The following STAU2 variants were observed in gnomAD, a reference collection of about 807,000 sequenced individuals.
STAU2 encodes double-stranded RNA-binding protein Staufen homolog 2.
STAU2 carries 20 observed loss-of-function variants against 65.9 expected under a neutral mutation model. The ratio of observed to expected loss-of-function variants is 0.30; its 90% CI spans 0.21 to 0.44. STAU2 has a LOEUF of 0.44. STAU2 is among the 20% of genes least tolerant of loss of function. The pLI, the probability that STAU2 is intolerant of heterozygous loss-of-function variation, is 1.00. For missense variants in STAU2, 558 were observed against 683.9 expected, an observed-to-expected ratio of 0.82 and a Z score of 2.05; for synonymous variants, 232 against 233.9, an observed-to-expected ratio of 0.99 and a Z score of 0.07.
chr8:73,682,633 T>C (rs1818514032), intron 5 of STAU2, among the ~76,000 whole-genome samples: 1 of 151,714 alleles, frequency 6.6e-6, no homozygotes, highest in Non-Finnish European at 1.5e-5. Context: ...CAGAACTAAA[T>C]GAAATTGAAA....
chr8:73,738,573 A>G (rs1806608630), intron 2 of STAU2, among the ~76,000 whole-genome samples: 1 of 152,242 alleles, frequency 6.6e-6, no homozygotes, highest in Admixed American at 6.5e-5. Context: ...TAGAGCAATC[A>G]AGAAAATAAT....
intron 1 of STAU2, among the ~76,000 whole-genome samples, chr8:73,746,335 T>A (rs935484484): frequency 2.9e-4 from 42 of 146,932 alleles, no homozygotes; most frequent in African/African-American, 1.1e-3. Flanking sequence ...GCGCTCCCTC[T>A]CCCTCGCAGC....
intron 6 of STAU2, among the ~76,000 whole-genome samples, chr8:73,661,312 A>G (rs773171098): frequency 4.6e-5 from 7 of 152,218 alleles, no homozygotes; most frequent in African/African-American, 7.2e-5. Flanking sequence ...TATAAGGTAA[A>G]TATTATTTTA....
At position 73,486,626 on chromosome 8, in the gene STAU2, T is replaced by TATAC. The variant is rs1162134427; in HGVS notation, c.1531-63925_1531-63924insGTAT. Among the ~76,000 whole-genome samples, 52 of 144,604 alleles carry TATAC rather than the reference T, an allele frequency of 3.6e-4. 3 individuals are homozygous for TATAC. Among genetic ancestry groups the TATAC allele is most frequent in the Admixed American group, 2.1e-4 (3 of 14,160 alleles). 94.9% of individuals were successfully genotyped at this position (144,604 alleles called of 152,430 possible). A position where few individuals can be genotyped will look rare whatever the true frequency, so the allele number is the denominator to read the frequency against. On this transcript the variant is annotated intron_variant, in intron 13 of 14. Coordinates refer to ENST00000524300, the MANE Select transcript of STAU2 (RefSeq NM_001164380.2). ...AAAATATCCATTATATATATATATATACACATTTATAAGTAAATATATATA... is the reference window on the plus strand; with the variant it reads ...AAAATATCCATTATATATATATATATATACACACATTTATAAGTAAATATATATA...
At position 73,723,081 on chromosome 8, in the gene STAU2, C is replaced by T. The variant is rs188682606; in HGVS notation, c.-17-13919G>A. Among the ~76,000 whole-genome samples the T allele has an allele frequency of 1.7e-3, 266 of 152,180 alleles. 2 individuals carry two copies. The highest frequency in any genetic ancestry group is 8.9e-3 in the South Asian group (43 of 4,816). On this transcript the variant is annotated intron_variant, in intron 3 of 14. Coordinates refer to ENST00000524300, the MANE Select transcript of STAU2 (RefSeq NM_001164380.2). ...CAGCCTTAGACAGAATGCTATTCCACACTAGAGTGCGTGCGTGCCCACACA... is the reference window on the plus strand; with the variant it reads ...CAGCCTTAGACAGAATGCTATTCCATACTAGAGTGCGTGCGTGCCCACACA...
intron 4 of STAU2, among the ~76,000 whole-genome samples, chr8:73,696,635 T>C (rs1819708524): frequency 6.6e-6 from 1 of 152,204 alleles, no homozygotes; most frequent in South Asian, 2.1e-4. Context: ...ACAGAAATGA[T>C]TAAGAAGAAT....
chr8:73,617,549 C>T (rs1812919398), intron 6 of STAU2, 98 bp from the exon 7 acceptor site: 4 of 1,188,304 alleles, frequency 3.4e-6, no homozygotes, highest in Admixed American at 4.6e-5. Flanking sequence ...ATATAATGTG[C>T]TATACTCTTA....
intron 6 of STAU2, among the ~76,000 whole-genome samples, chr8:73,654,417 C>A (rs908771662): frequency 5.9e-5 from 9 of 151,810 alleles, no homozygotes; most frequent in African/African-American, 2.2e-4. Flanking sequence ...TTTGGGAGGC[C>A]AAGGCGGGAG....
At chr8:73,677,339 G>T (rs755315968) in intron 5 of STAU2, among the ~76,000 whole-genome samples, 62 of 152,180 alleles carry the variant, frequency 4.1e-4, no homozygotes, top group Non-Finnish European at 5.4e-4. Flanking sequence ...TGACCCAACA[G>T]TTCCAATCCT....
At chr8:73,494,270 C>A (rs934124444) in intron 13 of STAU2, among the ~76,000 whole-genome samples, 2 of 151,550 alleles carry the variant, frequency 1.3e-5, no homozygotes, top group Non-Finnish European at 3.0e-5. Context: ...AAATCCAATA[C>A]AAAAATGAGA....
chr8:73,422,827 T>A, intron 13 of STAU2, 125 bp from the exon 14 acceptor site: 1 of 593,782 alleles, frequency 1.7e-6, no homozygotes, highest in Non-Finnish European at 2.7e-6. Flanking sequence ...TTGCATTGTT[T>A]AACAAAAGTA....
At chr8:73,544,637 C>T (rs1247449529) in intron 13 of STAU2, among the ~76,000 whole-genome samples, 1 of 152,192 alleles carries the variant, frequency 6.6e-6, no homozygotes, top group Admixed American at 6.5e-5. Flanking sequence ...ATTCCCTCTG[C>T]TATGAACTCT....
At chr8:73,590,102 AG>A (rs1264863070) in intron 11 of STAU2, among the ~76,000 whole-genome samples, 1 of 151,430 alleles carries the variant, frequency 6.6e-6, no homozygotes, top group African/African-American at 2.4e-5. Context: ...GGGAGAAGGA[AG>A]TAGGAGGAGA....
Position 73,420,678 on chromosome 8 carries a change from C to A in STAU2, c.*694G>T. The A allele has an allele frequency of 6.4e-6, 1 of 157,448 alleles. No homozygotes were observed. The highest frequency in any genetic ancestry group is 6.1e-5 in the Admixed American group (1 of 16,456). 9.8% of individuals were successfully genotyped at this position (157,448 alleles called of 1,614,324 possible). A position where few individuals can be genotyped will look rare whatever the true frequency, so the allele number is the denominator to read the frequency against. ...CCTTACTTGCTAAGAGTATATGGAG[C>A]TCAAAACCCACAATTGCTTTGTTTT... On this transcript the variant is annotated 3_prime_UTR_variant, in exon 15 of 15. Coordinates refer to ENST00000524300, the MANE Select transcript of STAU2 (RefSeq NM_001164380.2).
chr8:73,459,132 C>A (rs948896120), intron 13 of STAU2, among the ~76,000 whole-genome samples: 1 of 152,090 alleles, frequency 6.6e-6, no homozygotes, highest in Non-Finnish European at 1.5e-5. Flanking sequence ...TAACAACTAA[C>A]GGCTGCTGTT....
intron 13 of STAU2, among the ~76,000 whole-genome samples, chr8:73,548,156 G>A (rs1289790129): frequency 6.6e-6 from 1 of 151,248 alleles, no homozygotes; most frequent in Admixed American, 6.6e-5. Context: ...ATGTGGGTGT[G>A]TATGTACATG....
chr8:73,665,851 T>C (rs1817198081), intron 6 of STAU2, among the ~76,000 whole-genome samples: 1 of 152,150 alleles, frequency 6.6e-6, no homozygotes, highest in South Asian at 2.1e-4. Context: ...TATTAATATT[T>C]TAATATTTGC....
At chr8:73,493,808 T>C (rs1161459582) in intron 13 of STAU2, among the ~76,000 whole-genome samples, 1 of 151,808 alleles carries the variant, frequency 6.6e-6, no homozygotes, top group Admixed American at 6.6e-5. Context: ...AGCAGCTGTA[T>C]TCATGATAGT....
rs576041128 is a variant in STAU2 at position 73,538,620 on chromosome 8, A to G, written c.1530+13392T>C. On this transcript the variant is annotated intron_variant, in intron 13 of 14. Transcript: ENST00000524300. The stretch of plus-strand genomic sequence containing the variant: ...GTATAAAGGCCTGGAGACTTGTAAT[A>G]TTGAAAGCTTCATGAAAAAGAAGAG... Among the ~76,000 whole-genome samples the G allele has an allele frequency of 1.7e-4, 26 of 150,850 alleles. 1 individual carries two copies. In the South Asian group the frequency reaches 5.5e-3, roughly 32 times the overall value.
Sources: allele counts gnomAD v4.1 joint callset (sites outside exome capture counted in the v4.1 genomes callset), GRCh38; gene constraint gnomAD v4.1.1; transcripts MANE v1.5; gene names NCBI Gene and HGNC (gene_info 2026-07-23, HGNC 2026-07-21).